Variants in TTC23L observed in about 807,000 individuals in gnomAD.
TTC23L encodes tetratricopeptide repeat domain 23 like.
In TTC23L, 42 loss-of-function variants were observed where a neutral mutation model predicts 48.1. The observed-to-expected ratio is 0.87, with a 90% CI of 0.68 to 1.13. The LOEUF is 1.13. Among genes scored for constraint, TTC23L ranks in the 50% most tolerant of loss-of-function variants. The probability of loss-of-function intolerance (pLI) is 0.00; values close to 1 mark genes in which losing one functional copy is unlikely to be tolerated. For synonymous variants in TTC23L, 159 were observed against 157.2 expected (o/e 1.01, Z -0.09); for missense variants, 391 against 421.0 (o/e 0.93, Z 0.62).
chr5:34,902,405 A>G (rs1437989517), downstream of TTC23L: 2 of 395,298 alleles, frequency 5.1e-6, no homozygotes, highest in East Asian at 1.6e-4. Flanking sequence ...GACAAGAGCA[A>G]AACTCCCTCT....
intron 4 of TTC23L, among the ~76,000 whole-genome samples, chr5:34,853,860 T>C (rs447933): frequency 0.89 from 135,335 of 152,156 alleles, 60,553 homozygotes; most frequent in African/African-American, 0.97. Flanking sequence ...AGCTAAGGGT[T>C]TTTCACTGGA....
intron 4 of TTC23L, chr5:34,861,377 C>A: frequency 6.0e-6 from 1 of 167,294 alleles, no homozygotes; most frequent in Non-Finnish European, 1.3e-5. Flanking sequence ...ATGGATCAAG[C>A]ATTGTACTTT....
the TTC23L span, chr5:34,913,839 T>C: frequency 4.2e-5 from 21 of 501,782 alleles, no homozygotes; most frequent in Admixed American, 1.7e-4. Flanking sequence ...ACTTGGAAAA[T>C]AGACGAATGA....
chr5:34,876,900 A>G (rs1397172060), intron 8 of TTC23L, among the ~76,000 whole-genome samples: 2 of 152,012 alleles, frequency 1.3e-5, no homozygotes, highest in Admixed American at 6.6e-5. Flanking sequence ...CGACGGGTTG[A>G]TGGGTGCAGC....
intron 3 of TTC23L, 178 bp downstream of exon 3, chr5:34,845,851 A>G: frequency 1.6e-6 from 1 of 635,400 alleles, no homozygotes; most frequent in Non-Finnish European, 2.6e-6. Context: ...TTCTGGTTCC[A>G]TGCATGGTTC....
chr5:34,849,579 T>A (rs528502780), intron 3 of TTC23L, among the ~76,000 whole-genome samples: 3 of 152,354 alleles, frequency 2.0e-5, no homozygotes, highest in African/African-American at 7.2e-5. Flanking sequence ...ATTTAAAAAA[T>A]TCCATTTCTG....
Position 34,846,600 on chromosome 5 carries a change from T to TATATATATATAC in TTC23L, c.255+928_255+929insTATATATATACA, listed in dbSNP as rs61009546. ...AAATATATATATATATATATATATA[T>TATATATATATAC]ACACACACATATATATACACACACA... is the stretch of plus-strand genomic sequence containing the variant. On this transcript the variant is annotated intron_variant, in intron 3 of 10. Transcript: ENST00000505624. Among the ~76,000 whole-genome samples, 217 of 92,880 alleles carry TATATATATATAC rather than the reference T, an allele frequency of 2.3e-3. 17 individuals carry two copies. The highest frequency in any genetic ancestry group is 0.01 in the African/African-American group (195 of 19,188). 60.9% of individuals were successfully genotyped at this position (92,880 alleles called of 152,430 possible).
chr5:34,903,034 AT>A (rs1278100979), downstream of TTC23L, among the ~76,000 whole-genome samples: 4 of 152,116 alleles, frequency 2.6e-5, no homozygotes, highest in Admixed American at 2.0e-4. Context: ...AATTTATAAA[AT>A]GTTACTATTT....
chr5:34,862,721 A>G (rs540279184), intron 4 of TTC23L, among the ~76,000 whole-genome samples, 177 bp from the exon 5 acceptor site: 1 of 152,214 alleles, frequency 6.6e-6, no homozygotes, highest in East Asian at 1.9e-4. Context: ...GGGCCCAGGA[A>G]CCTGTATTCT....
rs1192934548 is a variant in TTC23L, at chr5:34,892,997, A to C, written c.1078-3773A>C. Among the ~76,000 whole-genome samples the C allele has an allele frequency of 2.6e-5, 4 of 152,322 alleles. No homozygotes were observed. In the East Asian group the frequency reaches 7.7e-4, roughly 29 times the overall value. ...TTAGCTTTAAAACATTAACTCTGAC[A>C]GCAATGAGAAGGATAGATGGTACCT... On this transcript the variant is annotated intron_variant, in intron 9 of 10. Transcript: ENST00000505624.
At chr5:34,839,727 GT>G in intron 1 of TTC23L, 3 of 893,624 alleles carry the variant, frequency 3.4e-6, no homozygotes, top group Non-Finnish European at 4.0e-6. Context: ...CTTGGTGGAT[GT>G]TAACATTCAA....
At chr5:34,889,091 T>C (rs1762702221) in intron 9 of TTC23L, among the ~76,000 whole-genome samples, 1 of 152,188 alleles carries the variant, frequency 6.6e-6, no homozygotes. Context: ...TCATTGACAT[T>C]TGTTTGTCTC....
chr5:34,864,545 A>T lies in TTC23L; in HGVS notation c.645A>T (p.Leu215=), dbSNP rs775510041. 6 of 1,613,322 alleles carry T rather than the reference A, an allele frequency of 3.7e-6. No individual in the cohort carries two copies. In the African/African-American group the frequency reaches 8.0e-5, roughly 22 times the overall value. The change falls in exon 6 of 11, where the codon CTA becomes CTT. Residue 215 remains leucine, a synonymous_variant. Transcript: ENST00000505624. ...AATTACAAGTCTCTGAGAACGACCT[A>T]ACACTTGCTTTGGGCAGGTAAGATC...
intron 9 of TTC23L, among the ~76,000 whole-genome samples, chr5:34,884,545 A>AACAC (rs147142651): frequency 1.3e-5 from 2 of 150,784 alleles, no homozygotes; most frequent in African/African-American, 4.9e-5. Flanking sequence ...CACACACACA[A>AACAC]ACACACACAC....
At chr5:34,900,321 G>GA (rs1386381857), downstream of TTC23L, among the ~76,000 whole-genome samples, 3 of 152,142 alleles carry the variant, frequency 2.0e-5, no homozygotes, top group South Asian at 4.1e-4. Context: ...GTAAACTAGA[G>GA]AAAGGCAAAG....
At chr5:34,914,580 A>T in the TTC23L span, 1 of 886,108 alleles carries the variant, frequency 1.1e-6, no homozygotes, top group South Asian at 1.7e-5. Flanking sequence ...ATTTATTATG[A>T]CTATTGACAA....
At chr5:34,923,174 T>G in the TTC23L span, 4 of 1,614,230 alleles carry the variant, frequency 2.5e-6, no homozygotes, top group Non-Finnish European at 3.4e-6. Flanking sequence ...GCCAACCATT[T>G]GTGGACCACG....
At chr5:34,912,330 T>C in the TTC23L span, among the ~76,000 whole-genome samples, 1 of 152,206 alleles carries the variant, frequency 6.6e-6, no homozygotes, top group Admixed American at 6.5e-5. Context: ...AAAAGAGGGT[T>C]GTTAATGGTG....
At chr5:34,900,144 C>T (rs1431054740), downstream of TTC23L, among the ~76,000 whole-genome samples, 2 of 152,196 alleles carry the variant, frequency 1.3e-5, no homozygotes, top group East Asian at 1.9e-4. Flanking sequence ...GGGGCTAGGG[C>T]TGCCAATGCC....
Sources: allele counts gnomAD v4.1 joint callset (sites outside exome capture counted in the v4.1 genomes callset), GRCh38; gene constraint gnomAD v4.1.1; transcripts MANE v1.5; gene names NCBI Gene and HGNC (gene_info 2026-07-23, HGNC 2026-07-21).